The following WLS variants were observed in gnomAD, a reference collection of about 807,000 sequenced individuals.
WLS encodes protein wntless homolog.
In WLS, 23 loss-of-function variants were observed where a neutral mutation model predicts 62.8. The ratio of observed to expected loss-of-function variants is 0.37; its 90% CI spans 0.26 to 0.52. The LOEUF is 0.52. WLS is among the 20% of genes least tolerant of loss of function. The pLI is 0.92. For missense variants in WLS, 615 were observed against 697.3 expected, an observed-to-expected ratio of 0.88 and a Z score of 1.33; for synonymous variants, 246 against 244.1, an observed-to-expected ratio of 1.01 and a Z score of -0.07.
In WLS at chr1:68,150,229, G is replaced by C; in HGVS notation, c.931C>G (p.Leu311Val). Residue 311 changes from leucine (L) to valine (V), a missense_variant, in exon 6 of 12, where the codon CTT becomes GTT. By Grantham distance (32) the Leu-to-Val change is conservative. Transcript: ENST00000262348. ...DIRQGIFYAM[L>V]LSFWIIFCGE... is the part of the protein sequence containing the mutation. ...CAGAAGATGATCCAGAAGGACAGAAGCATCGCATAGAAGATGCCCTGTCGG... is the reference window on the plus strand; with the variant it reads ...CAGAAGATGATCCAGAAGGACAGAACCATCGCATAGAAGATGCCCTGTCGG... 6.2e-7 allele frequency: 1 copy of C among 1,614,184 alleles called. No homozygotes were observed. The highest frequency in any genetic ancestry group is 8.5e-7 in the Non-Finnish European group (1 of 1,180,034).
intron 4 of WLS, among the ~76,000 whole-genome samples, chr1:68,154,790 C>T (rs1355864485): frequency 6.6e-6 from 1 of 152,146 alleles, no homozygotes. Flanking sequence ...AGGTGAAACA[C>T]ATAAAAAAGA....
At chr1:68,211,622 A>T (rs2772288) in intron 1 of WLS, among the ~76,000 whole-genome samples, 2 of 152,236 alleles carry the variant, frequency 1.3e-5, no homozygotes, top group Non-Finnish European at 2.9e-5. Flanking sequence ...TGGATTTTCC[A>T]TTCAGTGATT....
intron 11 of WLS, among the ~76,000 whole-genome samples, chr1:68,118,875 CAAAAAAAAAAAAAAA>C (rs33982774): frequency 4.2e-3 from 111 of 26,392 alleles, no homozygotes; most frequent in Middle Eastern, 0.038. Context: ...GACTCTGTCT[CAAAAAAAAAAAAAAA>C]AAAAAAAAAA....
intron 11 of WLS, among the ~76,000 whole-genome samples, chr1:68,135,168 C>T (rs1297987816): frequency 1.3e-5 from 2 of 151,994 alleles, no homozygotes; most frequent in Admixed American, 1.3e-4. Flanking sequence ...GACAGGGCCT[C>T]CTCTATCTAT....
intron 11 of WLS, among the ~76,000 whole-genome samples, chr1:68,110,942 T>C (rs1646221204): frequency 6.6e-6 from 1 of 152,142 alleles, no homozygotes; most frequent in African/African-American, 2.4e-5. Context: ...TAAAACTTTT[T>C]GAAGAAATTT....
At chr1:68,184,841 A>G (rs1647816781) in intron 2 of WLS, among the ~76,000 whole-genome samples, 2 of 152,156 alleles carry the variant, frequency 1.3e-5, no homozygotes, top group African/African-American at 4.8e-5. Context: ...GAGTCTCTAG[A>G]TTTTCTTAAT....
Position 68,149,775 on chromosome 1 carries a change from C to A in WLS, c.972+413G>T, listed in dbSNP as rs1835461. ...CAGGCCCACATTCTCTGATGGTTAA[C>A]CTGTATTCCTGGGGACAGGACAAGC... On this transcript the variant is annotated intron_variant, in intron 6 of 11. Coordinates refer to ENST00000262348, the MANE Select transcript of WLS (RefSeq NM_024911.7). 2.2e-3 allele frequency among the ~76,000 whole-genome samples: 333 copies of A among 152,176 alleles called. 3 individuals are homozygous for A. Among genetic ancestry groups the A allele is most frequent in the South Asian group, 4.4e-3 (21 of 4,814 alleles).
At chr1:68,117,008 T>G (rs1451769438) in intron 11 of WLS, among the ~76,000 whole-genome samples, 2 of 152,194 alleles carry the variant, frequency 1.3e-5, no homozygotes, top group Non-Finnish European at 2.9e-5. Context: ...GTTAGAATGA[T>G]TGTCAGGCAT....
chr1:68,100,241 G>C (rs1431233008), intron 11 of WLS, among the ~76,000 whole-genome samples: 1 of 152,208 alleles, frequency 6.6e-6, no homozygotes, highest in Non-Finnish European at 1.5e-5. Context: ...AGTTAGTTGA[G>C]GATCCTGGTC....
intron 1 of WLS, among the ~76,000 whole-genome samples, chr1:68,211,522 CAA>C (rs1170917069): frequency 1.3e-5 from 2 of 152,138 alleles, no homozygotes; most frequent in Non-Finnish European, 2.9e-5. Flanking sequence ...AAGTGGGCAC[CAA>C]AGATTATTAC....
chr1:68,119,135 AT>A, intron 11 of WLS, among the ~76,000 whole-genome samples: 1 of 152,184 alleles, frequency 6.6e-6, no homozygotes, highest in East Asian at 1.9e-4. Context: ...TAGTAAAGTC[AT>A]GAAAATCATG....
intron 1 of WLS, among the ~76,000 whole-genome samples, chr1:68,227,236 G>A (rs1276344220): frequency 1.3e-5 from 2 of 152,028 alleles, no homozygotes. Flanking sequence ...TGGCCAACCT[G>A]GTGAAACCCC....
Position 68,232,472 on chromosome 1 carries a change from T to G in WLS, c.-173A>C. On this transcript the variant is annotated 5_prime_UTR_variant, in exon 1 of 12. Transcript: ENST00000262348. ...CCGGGACGGAAGGCGCCCGCACGGA[T>G]TCCCCCGGCGCAGCCGGCTCGGGTT... is the stretch of plus-strand genomic sequence containing the variant. 2.3e-6 allele frequency: 3 copies of G among 1,332,346 alleles called. No individual in the cohort carries two copies. The highest frequency in any genetic ancestry group is 2.9e-6 in the Non-Finnish European group (3 of 1,027,260). 82.5% of individuals were successfully genotyped at this position (1,332,346 alleles called of 1,614,324 possible).
chr1:68,152,439 A>G (rs1247081075), intron 5 of WLS, among the ~76,000 whole-genome samples: 1 of 152,240 alleles, frequency 6.6e-6, no homozygotes, highest in African/African-American at 2.4e-5. Flanking sequence ...ACAGGAATGG[A>G]ATCTAAATGC....
At chr1:68,182,610 A>G (rs1312525237) in intron 2 of WLS, among the ~76,000 whole-genome samples, 2 of 152,222 alleles carry the variant, frequency 1.3e-5, no homozygotes, top group Non-Finnish European at 2.9e-5. Context: ...ACACAATTCA[A>G]TAAGAGTAAA....
At chr1:68,226,601 A>C (rs1041215390) in intron 1 of WLS, among the ~76,000 whole-genome samples, 1 of 152,114 alleles carries the variant, frequency 6.6e-6, no homozygotes, top group African/African-American at 2.4e-5. Flanking sequence ...GATGCTAGAA[A>C]ACTACATCCT....
intron 2 of WLS, chr1:68,163,026 C>A (rs578188830): frequency 1.9e-6 from 3 of 1,588,980 alleles, no homozygotes; most frequent in East Asian, 2.2e-5. Flanking sequence ...GATCTGGGGG[C>A]GGATACCTTC....
At position 68,109,474 on chromosome 1, in the gene WLS, A is replaced by C. The variant is rs112947201; in HGVS notation, c.1511-10721T>G. On this transcript the variant is annotated intron_variant, in intron 11 of 11. Transcript: ENST00000354777. ...TAAGAACTTTAAATGTTGGAATGAG[A>C]ATATTTGAAATGTATAATAATTACA... Among the ~76,000 whole-genome samples the C allele has an allele frequency of 7.9e-4, 120 of 152,366 alleles. 1 individual carries two copies. The highest frequency in any genetic ancestry group is 2.8e-3 in the African/African-American group (115 of 41,582).
chr1:68,109,137 C>T lies in WLS; in HGVS notation c.1511-10384G>A, dbSNP rs533961542. ...ATAAGTGCTAAGCATAGGTGAAAGG[C>T]AGGGTTGCCCTGCTGGCAAATGCTG... On this transcript the variant is annotated intron_variant, in intron 11 of 11. Transcript: ENST00000354777. Among the ~76,000 whole-genome samples, 18 of 152,346 alleles carry T rather than the reference C, an allele frequency of 1.2e-4. 1 individual carries two copies. The East Asian group carries it at 3.3e-3, about 28-fold the overall frequency.
Sources: allele counts gnomAD v4.1 joint callset (sites outside exome capture counted in the v4.1 genomes callset), GRCh38; gene constraint gnomAD v4.1.1; transcripts MANE v1.5; gene names NCBI Gene and HGNC (gene_info 2026-07-23, HGNC 2026-07-21).